The following FGGY variants were observed in gnomAD, a reference collection of about 807,000 sequenced individuals.
FGGY encodes the protein FGGY carbohydrate kinase domain-containing protein.
In FGGY, 72 loss-of-function variants were observed where a neutral mutation model predicts 71.3. The observed-to-expected ratio is 1.01, with a 90% confidence interval of 0.84 to 1.23. FGGY has a LOEUF of 1.23. FGGY is among the 50% of genes most tolerant of loss of function. The pLI is 0.00. For missense variants in FGGY, 668 were observed against 682.3 expected (o/e 0.98, Z 0.23); for synonymous variants, 251 against 250.3 (o/e 1.00, Z -0.02).
intron 3 of FGGY, among the ~76,000 whole-genome samples, chr1:59,344,198 G>A (rs2051292593): frequency 6.6e-6 from 1 of 151,986 alleles, no homozygotes; most frequent in African/African-American, 2.4e-5. Flanking sequence ...ATAATGGTTT[G>A]TGGAGCTTTT....
Position 59,625,987 on chromosome 1 carries a change from G to A in FGGY, c.1012-1G>A, listed in dbSNP as rs1260078610. 6.3e-7 allele frequency: 1 copy of A among 1,598,294 alleles called. No homozygotes were observed. The highest frequency in any genetic ancestry group is 8.5e-7 in the Non-Finnish European group (1 of 1,172,494). On this transcript the variant is annotated splice_acceptor_variant, in intron 9 of 15. Coordinates refer to ENST00000303721, the MANE Select transcript of FGGY (RefSeq NM_018291.5). LOFTEE classifies it high-confidence loss of function. The stretch of plus-strand genomic sequence containing the variant: ...ATTGACCCATGTCTCTTATTTTTCA[G>A]ATAGACCACATGGTACAAGGCCATG...
chr1:59,506,848 AAG>A (rs1229426085), intron 6 of FGGY, among the ~76,000 whole-genome samples: 1 of 152,168 alleles, frequency 6.6e-6, no homozygotes, highest in East Asian at 1.9e-4. Context: ...TTAGAGAAAA[AAG>A]AAAAAAAGGA....
intron 11 of FGGY, among the ~76,000 whole-genome samples, chr1:59,646,828 G>A (rs1024044686): frequency 2.6e-5 from 4 of 152,102 alleles, no homozygotes; most frequent in African/African-American, 4.8e-5. Context: ...TCAAACCTGG[G>A]TCAATGACAT....
intron 4 of FGGY, among the ~76,000 whole-genome samples, chr1:59,356,339 G>T (rs1372838837): frequency 6.6e-6 from 1 of 152,074 alleles, no homozygotes. Context: ...ACACCTCTGG[G>T]TCTTTGCTCA....
chr1:59,506,826 A>G (rs1245685429), intron 6 of FGGY, among the ~76,000 whole-genome samples: 1 of 152,162 alleles, frequency 6.6e-6, no homozygotes, highest in Non-Finnish European at 1.5e-5. Flanking sequence ...AGAAATGTAG[A>G]CCAATTAGAA....
chr1:59,323,132 A>G (rs1283162524), intron 2 of FGGY, among the ~76,000 whole-genome samples: 2 of 152,076 alleles, frequency 1.3e-5, no homozygotes, highest in African/African-American at 4.8e-5. Flanking sequence ...TCAGCCCCCA[A>G]TCTGGTAAGA....
intron 14 of FGGY, among the ~76,000 whole-genome samples, chr1:59,679,777 A>G (rs1482730347): frequency 6.6e-6 from 1 of 152,090 alleles, no homozygotes; most frequent in Non-Finnish European, 1.5e-5. Context: ...TATGTAGTAA[A>G]CTTCTTTATT....
intron 11 of FGGY, among the ~76,000 whole-genome samples, chr1:59,643,710 A>G (rs754316180): frequency 5.9e-5 from 9 of 152,234 alleles, no homozygotes; most frequent in South Asian, 2.1e-4. Flanking sequence ...GTCATAAGAC[A>G]TAACATATGT....
At chr1:59,296,803 G>C (rs549652712), upstream of FGGY, 1 of 152,940 alleles carries the variant, frequency 6.5e-6, no homozygotes, top group South Asian at 2.0e-4. Flanking sequence ...CGCAAGGCGG[G>C]GCTGTAGCCG....
At chr1:59,722,548 T>C (rs1311258562) in intron 14 of FGGY, among the ~76,000 whole-genome samples, 1 of 152,236 alleles carries the variant, frequency 6.6e-6, no homozygotes, top group East Asian at 1.9e-4. Flanking sequence ...TACATATTTA[T>C]ATTTTTGGTT....
chr1:59,636,665 T>C (rs2096963151), intron 10 of FGGY, among the ~76,000 whole-genome samples: 1 of 152,118 alleles, frequency 6.6e-6, no homozygotes, highest in Non-Finnish European at 1.5e-5. Context: ...AAAGGAGTTC[T>C]ACTGGTAAAT....
At chr1:59,627,477 TATATATATATATAC>T (rs1194331015) in intron 10 of FGGY, among the ~76,000 whole-genome samples, 49 of 132,382 alleles carry the variant, frequency 3.7e-4, no homozygotes, top group African/African-American at 1.4e-3. Context: ...TATATATATA[TATATATATATATAC>T]ACACACACAC....
chr1:59,596,893 C>T (rs192711637), intron 8 of FGGY, among the ~76,000 whole-genome samples: 4 of 152,198 alleles, frequency 2.6e-5, no homozygotes, highest in African/African-American at 9.7e-5. Context: ...CTGACTTCCT[C>T]CCATCCAGCC....
intron 7 of FGGY, among the ~76,000 whole-genome samples, chr1:59,548,371 C>T (rs940562530): frequency 1.3e-5 from 2 of 152,132 alleles, no homozygotes; most frequent in Admixed American, 6.5e-5. Context: ...TCGTGGATGG[C>T]GTATCTCCCA....
At chr1:59,546,983 C>T (rs1355637605) in intron 7 of FGGY, among the ~76,000 whole-genome samples, 18 of 132,728 alleles carry the variant, frequency 1.4e-4, no homozygotes, top group South Asian at 7.4e-4. Context: ...GATGGAGTCT[C>T]GCTCTGTGGC....
At chr1:59,593,837 G>C (rs1233442460) in intron 8 of FGGY, among the ~76,000 whole-genome samples, 2 of 152,132 alleles carry the variant, frequency 1.3e-5, no homozygotes, top group African/African-American at 2.4e-5. Flanking sequence ...CTGAATGTTT[G>C]CCGAAGGGTC....
chr1:59,733,690 G>T (rs2098070721), intron 14 of FGGY, among the ~76,000 whole-genome samples: 1 of 152,158 alleles, frequency 6.6e-6, no homozygotes, highest in African/African-American at 2.4e-5. Flanking sequence ...AGGCAAGGCT[G>T]AGGTTCTCCT....
chr1:59,434,369 G>A (rs1879689), intron 5 of FGGY, among the ~76,000 whole-genome samples: 65,334 of 152,014 alleles, frequency 0.43, 14,186 homozygotes, highest in Middle Eastern at 0.53. Flanking sequence ...GTGGCTTTGT[G>A]TCATTTGTAT....
intron 5 of FGGY, among the ~76,000 whole-genome samples, chr1:59,434,042 C>G (rs1382660118): frequency 6.6e-6 from 1 of 152,192 alleles, no homozygotes. Flanking sequence ...AACAGAGTAA[C>G]CTACCTGTCC....
Sources: allele counts gnomAD v4.1 joint callset (sites outside exome capture counted in the v4.1 genomes callset), GRCh38; gene constraint gnomAD v4.1.1; transcripts MANE v1.5; gene names NCBI Gene and HGNC (gene_info 2026-07-23, HGNC 2026-07-21).